The following CD9 variants were observed in gnomAD, a reference collection of about 807,000 sequenced individuals.
The protein encoded by CD9 is CD9 antigen.
Under a neutral mutation model 31.4 loss-of-function variants are expected in CD9, and 10 were observed. The ratio of observed to expected loss-of-function variants is 0.32; its 90% CI spans 0.20 to 0.54. CD9 has a LOEUF of 0.54. Ranked by LOEUF, CD9 falls within the 20% of genes least tolerant of loss-of-function variation. The pLI is 0.94. For synonymous variants in CD9, 113 were observed against 114.1 expected (o/e 0.99, Z 0.06); for missense variants, 259 against 300.1 (o/e 0.86, Z 1.01).
intron 1 of CD9, among the ~76,000 whole-genome samples, chr12:6,222,147 A>G (rs1352884728): frequency 6.6e-6 from 1 of 152,230 alleles, no homozygotes; most frequent in Admixed American, 6.5e-5. Flanking sequence ...GGCACTGGTT[A>G]TACAAGTTTT....
chr12:6,229,516 C>T (rs1011891721), intron 2 of CD9, among the ~76,000 whole-genome samples: 16 of 152,190 alleles, frequency 1.1e-4, no homozygotes, highest in African/African-American at 1.9e-4. Flanking sequence ...CCCGTGAACT[C>T]GGGAGGGCGG....
chr12:6,231,888 A>G (rs1946451077), intron 2 of CD9, among the ~76,000 whole-genome samples: 1 of 152,168 alleles, frequency 6.6e-6, no homozygotes, highest in African/African-American at 2.4e-5. Flanking sequence ...CTTTAATTTT[A>G]CTAGTAAGGA....
rs577963098 is a variant in CD9, at chr12:6,212,669, T to C, written c.66+12104T>C. Among the ~76,000 whole-genome samples, 12 of 152,342 alleles carry C rather than the reference T, an allele frequency of 7.9e-5. No individual in the cohort carries two copies. The South Asian group carries it at 2.3e-3, about 29-fold the overall frequency. On this transcript the variant is annotated intron_variant, in intron 1 of 7. Coordinates refer to ENST00000009180, the MANE Select transcript of CD9 (RefSeq NM_001769.4). ...AGGCAGCTCAAGGAATCCAGGGAAA[T>C]AGGCACTTTTTTTGAGCTTTATCTT...
At chr12:6,219,243 T>G (rs953642254) in intron 1 of CD9, among the ~76,000 whole-genome samples, 6 of 151,930 alleles carry the variant, frequency 3.9e-5, no homozygotes, top group African/African-American at 1.4e-4. Context: ...TGACCTCAAG[T>G]GATCCGCCTG....
intron 1 of CD9, among the ~76,000 whole-genome samples, chr12:6,209,976 C>T (rs576322336): frequency 6.6e-5 from 10 of 152,302 alleles, no homozygotes; most frequent in African/African-American, 1.9e-4. Context: ...TGAGTCACCG[C>T]GCCCAGCTGG....
intron 6 of CD9, 142 bp downstream of exon 6, chr12:6,235,707 T>C: frequency 7.0e-7 from 1 of 1,431,220 alleles, no homozygotes; most frequent in South Asian, 1.5e-5. Context: ...CATCTCTTTC[T>C]CTCCCACTTT....
At chr12:6,200,944 C>A (rs1222054063) in intron 1 of CD9, 1 of 189,340 alleles carries the variant, frequency 5.3e-6, no homozygotes, top group Non-Finnish European at 1.1e-5. Flanking sequence ...CGGAGCACCC[C>A]TCTTTGGGCC....
intron 2 of CD9, 70 bp downstream of exon 2, chr12:6,225,604 C>G: frequency 1.1e-6 from 1 of 945,024 alleles, no homozygotes; most frequent in Non-Finnish European, 1.7e-6. Flanking sequence ...TTTGGAGGCC[C>G]CATGTTGACC....
chr12:6,227,641 G>T (rs751863079), intron 2 of CD9, among the ~76,000 whole-genome samples: 1 of 152,206 alleles, frequency 6.6e-6, no homozygotes, highest in African/African-American at 2.4e-5. Flanking sequence ...CTAGAGAGCT[G>T]AAATAACTTG....
intron 1 of CD9, among the ~76,000 whole-genome samples, chr12:6,218,313 G>C (rs1353927253): frequency 6.6e-6 from 1 of 152,154 alleles, no homozygotes; most frequent in African/African-American, 2.4e-5. Context: ...AGAGCACCCA[G>C]TTTGTTTGAC....
At chr12:6,226,707 A>C (rs2136627344) in intron 2 of CD9, among the ~76,000 whole-genome samples, 1 of 152,236 alleles carries the variant, frequency 6.6e-6, no homozygotes, top group Middle Eastern at 3.4e-3. Flanking sequence ...CTATTATCGG[A>C]AAGAAAGTGA....
intron 1 of CD9, among the ~76,000 whole-genome samples, chr12:6,206,725 C>T (rs1334293659): frequency 1.3e-5 from 2 of 151,862 alleles, no homozygotes; most frequent in Non-Finnish European, 2.9e-5. Flanking sequence ...TGGTAATTTC[C>T]TCCCCCCGCC....
Position 6,235,778 on chromosome 12 carries a change from T to G in CD9, c.537+213T>G, listed in dbSNP as rs1946512358. ...GCCGGACCAGGGGAATGACAAGTGT[T>G]CTGGCACCGCCCACTGCTGCCAGCC... is the stretch of plus-strand genomic sequence containing the variant. On this transcript the variant is annotated intron_variant, in intron 6 of 7. Transcript: ENST00000009180. The G allele has an allele frequency of 2.9e-6, 4 of 1,399,344 alleles. No individual in the cohort carries two copies. In the South Asian group the frequency reaches 6.8e-5, roughly 24 times the overall value. The allele number at this position is 1,399,344 out of a possible 1,614,324, so 86.7% of individuals were successfully genotyped here. A position where few individuals can be genotyped will look rare whatever the true frequency, so the allele number is the denominator to read the frequency against.
chr12:6,211,637 C>T (rs932168496), intron 1 of CD9, among the ~76,000 whole-genome samples: 4 of 152,176 alleles, frequency 2.6e-5, no homozygotes, highest in Admixed American at 2.6e-4. Context: ...CAGTCATCGC[C>T]AGACAGCTCG....
rs1168769886 is a variant in CD9 at position 6,223,998 on chromosome 12, C to T, written c.67-1428C>T. On this transcript the variant is annotated intron_variant, in intron 1 of 7. Transcript: ENST00000009180. ...TTTTCTCCTCTGCCTTGTCCAGCCG[C>T]GGGGCATGTGGCGTCGTACAGTCCT... Among the ~76,000 whole-genome samples the T allele has an allele frequency of 4.6e-5, 7 of 152,144 alleles. No homozygotes were observed. The South Asian group carries it at 6.2e-4, about 14-fold the overall frequency.
At chr12:6,236,158 G>A (rs1304823819) in intron 6 of CD9, 34 bp from the exon 7 acceptor site, 3 of 1,613,178 alleles carry the variant, frequency 1.9e-6, no homozygotes, top group Admixed American at 3.3e-5. Context: ...AGGAAGGATT[G>A]TGTGTGACCC....
At position 6,233,534 on chromosome 12, in the gene CD9, G is replaced by A. The variant is rs778996182; in HGVS notation, c.348+48G>A. 2.1e-6 allele frequency: 3 copies of A among 1,436,278 alleles called. No individual in the cohort carries two copies. In the South Asian group the frequency reaches 3.4e-5, roughly 16 times the overall value. The allele number at this position is 1,436,278 out of a possible 1,614,324, so 89.0% of individuals were successfully genotyped here. A position where few individuals can be genotyped will look rare whatever the true frequency, so the allele number is the denominator to read the frequency against. ...CTTGGGTTTGGGAGTTGGGGGATGG[G>A]GGACAGTGAAGCAGGGGGCAAGTCC... On this transcript the variant is annotated intron_variant, in intron 4 of 7. Transcript: ENST00000009180.
intron 7 of CD9, 49 bp from the exon 8 acceptor site, chr12:6,237,714 T>G (rs755552716): frequency 1.1e-5 from 16 of 1,404,910 alleles, no homozygotes; most frequent in Non-Finnish European, 1.6e-5. Flanking sequence ...CCCTCAGCCT[T>G]CCTTCAGATC....
At chr12:6,202,488 G>C (rs916332263) in intron 1 of CD9, among the ~76,000 whole-genome samples, 2 of 152,246 alleles carry the variant, frequency 1.3e-5, no homozygotes, top group Admixed American at 6.5e-5. Flanking sequence ...TTAGTCCTCA[G>C]CTGTCTGCCT....
Sources: gnomAD v4.1 joint callset for allele counts (sites outside exome capture counted in the v4.1 genomes callset) on GRCh38, gnomAD v4.1.1 for gene constraint, MANE v1.5 for transcripts, NCBI Gene and HGNC (gene_info 2026-07-23, HGNC 2026-07-21) for gene names.